The following RAB3C variants were observed in gnomAD, a reference collection of about 807,000 sequenced individuals.
The protein encoded by RAB3C is RAB3C, member RAS oncogene family.
RAB3C carries 17 observed loss-of-function variants against 26.4 expected under a neutral mutation model. That is an observed-to-expected ratio of 0.64 (90% CI 0.44 to 0.97). The LOEUF (loss-of-function observed/expected upper bound fraction) is 0.97, where lower values mean the gene tolerates loss of function less well. RAB3C is among the 50% of genes least tolerant of loss of function. The pLI, the probability that RAB3C is intolerant of heterozygous loss-of-function variation, is 0.00. For missense variants in RAB3C, 242 were observed against 281.9 expected (o/e 0.86, Z 1.01); for synonymous variants, 91 against 95.9 (o/e 0.95, Z 0.30).
chr5:58,727,785 C>A, intron 3 of RAB3C, among the ~76,000 whole-genome samples: 1 of 152,024 alleles, frequency 6.6e-6, no homozygotes, highest in Non-Finnish European at 1.5e-5. Flanking sequence ...TATAAGTTTT[C>A]CAAAAGAACA....
intron 2 of RAB3C, among the ~76,000 whole-genome samples, chr5:58,709,686 C>T (rs893557468): frequency 1.2e-4 from 19 of 152,150 alleles, no homozygotes; most frequent in African/African-American, 3.1e-4. Context: ...TCAATCCTTT[C>T]GTCTTCTTTG....
chr5:58,618,721 A>T lies in RAB3C; in HGVS notation c.252+851A>T, dbSNP rs574209169. 3.9e-5 allele frequency among the ~76,000 whole-genome samples: 6 copies of T among 152,302 alleles called. No individual in the cohort carries two copies. In the South Asian group the frequency reaches 1.2e-3, roughly 32 times the overall value. ...CTGATGTAGTAAATATTTTATGGAC[A>T]TCGTAATATGTACATAGGAAGAATG... On this transcript the variant is annotated intron_variant, in intron 2 of 4. Coordinates refer to ENST00000282878, the MANE Select transcript of RAB3C (RefSeq NM_138453.4).
chr5:58,637,050 A>T (rs567620812), intron 2 of RAB3C, among the ~76,000 whole-genome samples: 4 of 151,926 alleles, frequency 2.6e-5, no homozygotes, highest in Non-Finnish European at 4.4e-5. Flanking sequence ...CCATGGAAAG[A>T]ATGGGCATGT....
Position 58,771,404 on chromosome 5 carries a change from T to C in RAB3C, c.371+45284T>C, listed in dbSNP as rs146122279. On this transcript the variant is annotated intron_variant, in intron 3 of 4. Transcript: ENST00000282878. ...AACCTCTTTAAACTCTTAGTTAACA[T>C]AAAGAATCCATCAAAATCATGGGCT... 4.1e-3 allele frequency among the ~76,000 whole-genome samples: 622 copies of C among 152,224 alleles called. 8 individuals carry two copies. Among genetic ancestry groups the C allele is most frequent in the African/African-American group, 0.014 (600 of 41,556 alleles).
intron 2 of RAB3C, among the ~76,000 whole-genome samples, chr5:58,620,649 T>C (rs546535225): frequency 5.3e-5 from 8 of 152,366 alleles, no homozygotes; most frequent in Non-Finnish European, 8.8e-5. Context: ...CTGAGAAATC[T>C]GCATGTAGGA....
intron 1 of RAB3C, among the ~76,000 whole-genome samples, chr5:58,596,900 A>G (rs1561260288): frequency 1.0e-5 from 1 of 97,206 alleles, no homozygotes; most frequent in Non-Finnish European, 1.8e-5. Context: ...ATATAATATT[A>G]TATTTTAATA....
At chr5:58,620,478 C>T (rs1746912365) in intron 2 of RAB3C, among the ~76,000 whole-genome samples, 1 of 152,280 alleles carries the variant, frequency 6.6e-6, no homozygotes, top group East Asian at 1.9e-4. Flanking sequence ...AGGAAATTAA[C>T]ACTCGTTGGA....
chr5:58,709,901 C>A (rs1749022836), intron 2 of RAB3C, among the ~76,000 whole-genome samples: 1 of 152,142 alleles, frequency 6.6e-6, no homozygotes, highest in South Asian at 2.1e-4. Flanking sequence ...GATGGTGAAG[C>A]CTCATTTGCT....
At chr5:58,663,502 G>A (rs1194400450) in intron 2 of RAB3C, among the ~76,000 whole-genome samples, 3 of 150,250 alleles carry the variant, frequency 2.0e-5, no homozygotes, top group Admixed American at 1.3e-4. Flanking sequence ...AGAATTTCAA[G>A]TTTAAAATAT....
At chr5:58,795,248 T>G (rs572550799) in intron 3 of RAB3C, among the ~76,000 whole-genome samples, 13 of 152,200 alleles carry the variant, frequency 8.5e-5, no homozygotes, top group South Asian at 8.3e-4. Context: ...GTGGAACTGT[T>G]AGTCAATTAA....
chr5:58,814,908 C>T (rs1316734706), intron 3 of RAB3C, among the ~76,000 whole-genome samples: 1 of 152,060 alleles, frequency 6.6e-6, no homozygotes, highest in Non-Finnish European at 1.5e-5. Context: ...GGATGTGGTG[C>T]AAGGTAGTTC....
At chr5:58,850,741 C>T (rs573828346) in intron 4 of RAB3C, among the ~76,000 whole-genome samples, 2 of 152,180 alleles carry the variant, frequency 1.3e-5, no homozygotes, top group Admixed American at 6.5e-5. Flanking sequence ...GAAAAGATTG[C>T]AAGAGTCTAC....
rs74963108 is a variant in RAB3C at position 58,725,452 on chromosome 5, T to G, written c.253-550T>G. ...TTTGGTATTCCCTGACCTTGCTACC[T>G]CTGATTATTTATCTCTTTCTCAAGC... On this transcript the variant is annotated intron_variant, in intron 2 of 4. Transcript: ENST00000282878. 1.9e-3 allele frequency among the ~76,000 whole-genome samples: 288 copies of G among 152,042 alleles called. 1 individual carries two copies. Among genetic ancestry groups the G allele is most frequent in the African/African-American group, 6.7e-3 (277 of 41,526 alleles).
intron 3 of RAB3C, among the ~76,000 whole-genome samples, chr5:58,773,622 G>A (rs1455608919): frequency 1.3e-5 from 2 of 152,010 alleles, no homozygotes; most frequent in Non-Finnish European, 2.9e-5. Flanking sequence ...GTTCACACTG[G>A]GTACCTTGAT....
intron 2 of RAB3C, 58 bp downstream of exon 2, chr5:58,617,928 G>A: frequency 2.7e-6 from 3 of 1,095,246 alleles, no homozygotes; most frequent in African/African-American, 1.6e-5. Context: ...ATATCCATTT[G>A]TAAGGGAGAA....
chr5:58,740,398 T>C (rs1741251138), intron 3 of RAB3C, among the ~76,000 whole-genome samples: 1 of 152,236 alleles, frequency 6.6e-6, no homozygotes, highest in East Asian at 1.9e-4. Context: ...CAGACCCACC[T>C]GGTTGGTCTC....
At chr5:58,815,391 A>C (rs1199537642) in intron 3 of RAB3C, among the ~76,000 whole-genome samples, 1 of 152,180 alleles carries the variant, frequency 6.6e-6, no homozygotes, top group African/African-American at 2.4e-5. Flanking sequence ...TCAAAGTGCT[A>C]AGTAACTCCT....
intron 3 of RAB3C, among the ~76,000 whole-genome samples, chr5:58,761,582 C>T (rs1347477551): frequency 1.3e-5 from 2 of 152,102 alleles, no homozygotes; most frequent in African/African-American, 2.4e-5. Context: ...ATTTTGAATG[C>T]TCAGCTCTTT....
At chr5:58,676,225 C>T (rs7709693) in intron 2 of RAB3C, among the ~76,000 whole-genome samples, 3,173 of 152,114 alleles carry the variant, frequency 0.021, 114 homozygotes, top group African/African-American at 0.072. Flanking sequence ...ATAGCTGGGT[C>T]GAGCGGCGTG....
Sources: gnomAD v4.1 joint callset for allele counts (sites outside exome capture counted in the v4.1 genomes callset) on GRCh38, gnomAD v4.1.1 for gene constraint, MANE v1.5 for transcripts, NCBI Gene and HGNC (gene_info 2026-07-23, HGNC 2026-07-21) for gene names.